The following ATP11B variants were observed in gnomAD, a reference collection of about 807,000 sequenced individuals.
ATP11B encodes the protein ATPase phospholipid transporting 11B (putative).
ATP11B carries 81 observed loss-of-function variants against 157.8 expected under a neutral mutation model. The observed-to-expected ratio is 0.51, with a 90% CI of 0.43 to 0.62. The LOEUF (loss-of-function observed/expected upper bound fraction) is 0.62. Among genes scored for constraint, ATP11B ranks in the 20% least tolerant of loss-of-function variants. The pLI is 0.00. For missense variants in ATP11B, 1,165 were observed against 1,402.2 expected (o/e 0.83, Z 2.70); for synonymous variants, 451 against 469.4 (o/e 0.96, Z 0.51).
rs758527503 is a variant in ATP11B at position 182,884,758 on chromosome 3, A to G, written c.2515A>G (p.Met839Val). The change falls in exon 22 of 30, where the codon ATG becomes GTG. Residue 839 changes from methionine to valine, a missense_variant. This residue lies in a region of ATP11B where 737 missense variants were observed against 930.5 expected (regional missense o/e 0.79). Transcript: ENST00000323116. ...TTTTGTCCCTTTTATTATAGGAATC[A>G]TGGGTAAAGAAGGAAGACAGGCTGC... ...IQEAHVGIGI[M>V]GKEGRQAARN... 3 of 1,591,378 alleles carry G rather than the reference A, an allele frequency of 1.9e-6. No homozygotes were observed. Among genetic ancestry groups the G allele is most frequent in the Non-Finnish European group, 2.6e-6 (3 of 1,174,250 alleles).
At chr3:182,803,421 A>G (rs888382289) in intron 1 of ATP11B, among the ~76,000 whole-genome samples, 7 of 152,086 alleles carry the variant, frequency 4.6e-5, no homozygotes, top group African/African-American at 1.2e-4. Flanking sequence ...TCTTTGTTGT[A>G]TATGTTGTAA....
chr3:182,885,439 A>G (rs1402949450), intron 22 of ATP11B, among the ~76,000 whole-genome samples: 6 of 152,166 alleles, frequency 3.9e-5, no homozygotes, highest in African/African-American at 1.2e-4. Flanking sequence ...ATTGATAACT[A>G]CAATCCAGTG....
intron 10 of ATP11B, among the ~76,000 whole-genome samples, chr3:182,853,646 A>C (rs1048328364): frequency 6.6e-6 from 1 of 152,234 alleles, no homozygotes; most frequent in Non-Finnish European, 1.5e-5. Flanking sequence ...AAATTACAAA[A>C]CATGGCAAGA....
rs573393707 is a variant in ATP11B, at chr3:182,913,582, A to T, written c.3319-279A>T. On this transcript the variant is annotated intron_variant, in intron 28 of 29. Coordinates refer to ENST00000323116, the MANE Select transcript of ATP11B (RefSeq NM_014616.3). ...GAAATCATTTTGACCATAATAAATG[A>T]TTAAAATGAAACATTAAAAGTAGAT... is the stretch of plus-strand genomic sequence containing the variant. 5.3e-5 allele frequency among the ~76,000 whole-genome samples: 8 copies of T among 152,354 alleles called. No individual in the cohort carries two copies. The East Asian group carries it at 7.7e-4, about 15-fold the overall frequency.
At chr3:182,830,308 G>T (rs1276110983) in intron 4 of ATP11B, among the ~76,000 whole-genome samples, 8 of 148,416 alleles carry the variant, frequency 5.4e-5, no homozygotes, top group Non-Finnish European at 1.2e-4. Flanking sequence ...GGTTGACAGA[G>T]TGAGATCCTG....
At chr3:182,844,717 A>C (rs1350152948) in intron 8 of ATP11B, 1 of 175,392 alleles carries the variant, frequency 5.7e-6, no homozygotes, top group Non-Finnish European at 1.1e-5. Context: ...ATCATACTAT[A>C]GTTTATGTTT....
In ATP11B at chr3:182,873,950, C is replaced by G; in HGVS notation, c.2187C>G (p.Ile729Met). The G allele has an allele frequency of 6.2e-7, 1 of 1,614,070 alleles. No homozygotes were observed. Among genetic ancestry groups the G allele is most frequent in the South Asian group, 1.1e-5 (1 of 91,076 alleles). Residue 729 changes from isoleucine to methionine, a missense_variant, in exon 19 of 30, where the codon ATC becomes ATG. Transcript: ENST00000323116. ...SCGHFHRTMN[I>M]LELINQKSDS... Reference sequence around the variant, plus strand: ...GCCATTTTCATAGAACCATGAACATCCTTGAACTTATAAACCAGAAATCAG... The same window carrying G: ...GCCATTTTCATAGAACCATGAACATGCTTGAACTTATAAACCAGAAATCAG...
chr3:182,839,855 C>A (rs1371086187), intron 7 of ATP11B, among the ~76,000 whole-genome samples: 2 of 152,102 alleles, frequency 1.3e-5, no homozygotes, highest in African/African-American at 4.8e-5. Context: ...TCAAGTGATC[C>A]GCCCACTTCA....
chr3:182,858,043 T>A lies in ATP11B; in HGVS notation c.1002+15T>A, dbSNP rs765796333. ...ATAGCAGTAAGGTATTTTATGGTGT[T>A]ATTGACTGTGTCATAAAGGAAACTA... On this transcript the variant is annotated intron_variant, in intron 11 of 29. Transcript: ENST00000323116. The A allele has an allele frequency of 1.3e-6, 2 of 1,598,636 alleles. No homozygotes were observed. Among genetic ancestry groups the A allele is most frequent in the Admixed American group, 3.4e-5 (2 of 59,556 alleles).
At position 182,920,618 on chromosome 3, in the gene ATP11B, C is replaced by G. The variant is rs1367288794; in HGVS notation, c.*2514C>G. 6.6e-6 allele frequency: 1 copy of G among 152,226 alleles called. No homozygotes were observed. The highest frequency in any genetic ancestry group is 6.5e-5 in the Admixed American group (1 of 15,282). 9.4% of individuals were successfully genotyped at this position (152,226 alleles called of 1,614,324 possible). ...TCAGTGGTCTCAAATCGATTTGCCTCCCTTTGCCTCGTCTGAGGGCTGTAA... is the reference window on the plus strand; with the variant it reads ...TCAGTGGTCTCAAATCGATTTGCCTGCCTTTGCCTCGTCTGAGGGCTGTAA... On this transcript the variant is annotated 3_prime_UTR_variant, in exon 30 of 30. Transcript: ENST00000323116.
intron 9 of ATP11B, 52 bp from the exon 10 acceptor site, chr3:182,848,424 G>A (rs1213043525): frequency 5.9e-6 from 6 of 1,020,208 alleles, no homozygotes; most frequent in Non-Finnish European, 8.3e-6. Context: ...TTTATTTCTT[G>A]TGAAACATGC....
intron 26 of ATP11B, 89 bp from the exon 27 acceptor site, chr3:182,897,214 T>C (rs1488393014): frequency 1.4e-6 from 1 of 697,512 alleles, no homozygotes; most frequent in African/African-American, 1.9e-5. Context: ...GACTTTTAGA[T>C]ACTTATGTTT....
chr3:182,841,992 A>AT (rs1553802934), intron 7 of ATP11B, 83 bp from the exon 8 acceptor site: 1 of 904,284 alleles, frequency 1.1e-6, no homozygotes. Flanking sequence ...AAAAAAAAAA[A>AT]AAAAACAAAG....
intron 1 of ATP11B, among the ~76,000 whole-genome samples, chr3:182,799,735 A>C (rs1715864017): frequency 6.6e-6 from 1 of 152,240 alleles, no homozygotes; most frequent in African/African-American, 2.4e-5. Flanking sequence ...TTGAGTTTAT[A>C]AACATAGTTG....
Position 182,887,691 on chromosome 3 carries a change from C to A in ATP11B, c.2821C>A (p.Gln941Lys). The change falls in exon 24 of 30, where the codon CAA becomes AAA. Residue 941 changes from glutamine to lysine, a missense_variant. Around this residue, in one of 4 missense-constraint regions of ATP11B, gnomAD observed 303 missense variants for 296.3 expected, o/e 1.02. Transcript: ENST00000323116. ...ACAGCATGTAGACCCTCATGTGTTA[C>A]AAAATAAGCCCACCCTTTATCGGTA... The part of the protein sequence containing the change: ...LEQHVDPHVL[Q>K]NKPTLYRDIS... 1.2e-6 allele frequency: 2 copies of A among 1,610,790 alleles called. No homozygotes were observed. The highest frequency in any genetic ancestry group is 1.7e-6 in the Non-Finnish European group (2 of 1,179,218).
intron 21 of ATP11B, among the ~76,000 whole-genome samples, chr3:182,883,216 G>A (rs1722548454): frequency 6.6e-6 from 1 of 151,888 alleles, no homozygotes; most frequent in African/African-American, 2.4e-5. Flanking sequence ...ATTTGAAGCA[G>A]TGTCCATAAT....
chr3:182,853,597 A>T (rs1209070901), intron 10 of ATP11B, among the ~76,000 whole-genome samples: 3 of 152,224 alleles, frequency 2.0e-5, no homozygotes, highest in Non-Finnish European at 4.4e-5. Flanking sequence ...ATATTTAGGA[A>T]TAAGTTTTTT....
At chr3:182,868,037 T>C (rs1270261932) in intron 15 of ATP11B, among the ~76,000 whole-genome samples, 4 of 152,192 alleles carry the variant, frequency 2.6e-5, no homozygotes, top group East Asian at 1.9e-4. Context: ...ATCATAGTTA[T>C]AACAATAGTA....
intron 15 of ATP11B, 100 bp from the exon 16 acceptor site, chr3:182,868,978 A>G (rs575248230): frequency 1.0e-5 from 7 of 693,192 alleles, no homozygotes; most frequent in South Asian, 8.6e-5. Context: ...CTTGTTCTCA[A>G]TTAGCCATTT....
Sources: gnomAD v4.1 joint callset for allele counts (sites outside exome capture counted in the v4.1 genomes callset) on GRCh38, gnomAD v4.1.1 for gene constraint, gnomAD v4.1.1 regional missense constraint, MANE v1.5 for transcripts, NCBI Gene and HGNC (gene_info 2026-07-23, HGNC 2026-07-21) for gene names.